Variants in PHLDB2 observed in about 807,000 individuals in gnomAD.
PHLDB2 encodes the protein pleckstrin homology like domain family B member 2.
In PHLDB2, 71 loss-of-function variants were observed where a neutral mutation model predicts 123.6. That is an observed-to-expected ratio of 0.57 (90% CI 0.47 to 0.70). The LOEUF is 0.70. Among genes scored for constraint, PHLDB2 ranks in the 30% least tolerant of loss-of-function variants. PHLDB2 has a pLI of 0.00. For missense variants in PHLDB2, 1,446 were observed against 1,519.5 expected (o/e 0.95, Z 0.80); for synonymous variants, 547 against 541.6 (o/e 1.01, Z -0.14).
chr3:111,816,619 G>A (rs1352553790), intron 1 of PHLDB2, among the ~76,000 whole-genome samples: 2 of 152,192 alleles, frequency 1.3e-5, no homozygotes, highest in East Asian at 3.8e-4. Flanking sequence ...TAATTAACTT[G>A]CTTTTGAATT....
rs147367920 is a variant in PHLDB2, at chr3:111,867,711, T to A, written c.-15+8135T>A. On this transcript the variant is annotated intron_variant, in intron 1 of 17. Transcript: ENST00000431670. Reference sequence around the variant, plus strand: ...TATGTCTTTTTTTAATTTTAATTTTTATTTTTTTGAGATAGGGTCTTGCTC... The same window carrying A: ...TATGTCTTTTTTTAATTTTAATTTTAATTTTTTTGAGATAGGGTCTTGCTC... Among the ~76,000 whole-genome samples, 880 of 152,312 alleles carry A rather than the reference T, an allele frequency of 5.8e-3. 9 individuals carry two copies. Among genetic ancestry groups the A allele is most frequent in the African/African-American group, 0.02 (826 of 41,564 alleles).
intron 1 of PHLDB2, among the ~76,000 whole-genome samples, chr3:111,806,602 C>T (rs1418698329): frequency 2.0e-5 from 3 of 151,758 alleles, no homozygotes; most frequent in Non-Finnish European, 4.4e-5. Context: ...CTCGTGCCTT[C>T]AGCCTCTCAA....
At chr3:111,869,482 A>G (rs989993095) in intron 1 of PHLDB2, among the ~76,000 whole-genome samples, 2 of 152,142 alleles carry the variant, frequency 1.3e-5, no homozygotes, top group Non-Finnish European at 2.9e-5. Context: ...AAAGGAAAAG[A>G]AAGAAAAAGA....
chr3:111,886,851 G>A (rs1165895966), intron 2 of PHLDB2, among the ~76,000 whole-genome samples: 1 of 152,148 alleles, frequency 6.6e-6, no homozygotes, highest in Non-Finnish European at 1.5e-5. Flanking sequence ...GTTTGGGCTT[G>A]CTTCATTGAC....
intron 2 of PHLDB2, among the ~76,000 whole-genome samples, chr3:111,906,579 G>T (rs1036374135): frequency 6.6e-6 from 1 of 152,196 alleles, no homozygotes; most frequent in Non-Finnish European, 1.5e-5. Context: ...GTGTGTTTGT[G>T]TATGTAAGTG....
chr3:111,945,587 T>TTGTG (rs1000701850), intron 9 of PHLDB2: 13 of 512,192 alleles, frequency 2.5e-5, no homozygotes, highest in Non-Finnish European at 2.7e-5. Context: ...ATGTGTGTGT[T>TTGTG]TGTGTGTGTG....
Position 111,966,521 on chromosome 3 carries a change from GTCT to G in PHLDB2, c.3078-91_3078-89del, listed in dbSNP as rs1362485185. 4,336 of 492,916 alleles carry G rather than the reference GTCT, an allele frequency of 8.8e-3. 138 individuals carry two copies. In the African/African-American group the frequency reaches 0.13, roughly 15 times the overall value. The allele number at this position is 492,916 out of a possible 1,614,324, so 30.5% of individuals were successfully genotyped here. ...ACCCCATGTGTGTGTGTGTGTGTGT[GTCT>G]GGGGTGTGTGTGTGTGTGTGTGTGT... is the stretch of plus-strand genomic sequence containing the variant. On this transcript the variant is annotated intron_variant, in intron 13 of 17. Transcript: ENST00000431670.
At chr3:111,875,879 A>G (rs2065589419) in intron 1 of PHLDB2, among the ~76,000 whole-genome samples, 1 of 151,954 alleles carries the variant, frequency 6.6e-6, no homozygotes, top group African/African-American at 2.4e-5. Flanking sequence ...GTGTTGCTAC[A>G]TATTCTAGTA....
intron 2 of PHLDB2, among the ~76,000 whole-genome samples, chr3:111,850,276 T>C (rs1415536062): frequency 6.6e-6 from 1 of 152,134 alleles, no homozygotes; most frequent in Non-Finnish European, 1.5e-5. Flanking sequence ...AGTGACATAA[T>C]GGACTTTAGA....
intron 1 of PHLDB2, among the ~76,000 whole-genome samples, chr3:111,775,349 G>A (rs1009739829): frequency 1.3e-5 from 2 of 152,174 alleles, no homozygotes; most frequent in African/African-American, 4.8e-5. Context: ...CGATTAAACA[G>A]ATGAGTAGTC....
At chr3:111,820,006 G>A (rs1194854232) in intron 1 of PHLDB2, among the ~76,000 whole-genome samples, 1 of 152,234 alleles carries the variant, frequency 6.6e-6, no homozygotes, top group Non-Finnish European at 1.5e-5. Context: ...CACATAGGAA[G>A]TCTAACCAAA....
At chr3:111,806,985 A>G (rs1350188251) in intron 1 of PHLDB2, among the ~76,000 whole-genome samples, 1 of 151,680 alleles carries the variant, frequency 6.6e-6, no homozygotes, top group Non-Finnish European at 1.5e-5. Context: ...GACTTGTAAG[A>G]GACATTAGTT....
intron 3 of PHLDB2, chr3:111,917,004 C>T (rs1344134968): frequency 6.6e-6 from 1 of 152,164 alleles, no homozygotes; most frequent in Non-Finnish European, 1.5e-5. Flanking sequence ...TGTTCTCTGT[C>T]ACTGTAAAAC....
intron 1 of PHLDB2, among the ~76,000 whole-genome samples, chr3:111,769,661 TA>T (rs2060141059): frequency 6.6e-6 from 1 of 152,250 alleles, no homozygotes; most frequent in African/African-American, 2.4e-5. Context: ...TTTCCAGGTC[TA>T]AAAGTGCACT....
At chr3:111,962,409 C>A in intron 13 of PHLDB2, 97 bp downstream of exon 13, 2 of 1,131,236 alleles carry the variant, frequency 1.8e-6, no homozygotes, top group East Asian at 5.0e-5. Flanking sequence ...ATGCACAAGC[C>A]CAAATTTTTG....
At chr3:111,859,953 G>T (rs1343024750) in intron 1 of PHLDB2, 6 of 974,908 alleles carry the variant, frequency 6.2e-6, no homozygotes, top group Non-Finnish European at 7.3e-6. Context: ...GGCTGGGGTC[G>T]GCAGTGCCCA....
Position 111,967,784 on chromosome 3 carries a change from TA to T in PHLDB2, c.3276del (p.Ile1092MetfsTer5). On this transcript the variant is annotated frameshift_variant, in exon 15 of 18. Transcript: ENST00000431670. LOFTEE classifies it high-confidence loss of function. ...QEETSQRQKL[I>X]EKEVKIRERQ... Reference sequence around the variant, plus strand: ...GAAACTAGCCAGAGGCAGAAGTTAATAGAAAAGGAAGTAAAAATAAGGGAGA... The same window carrying T: ...GAAACTAGCCAGAGGCAGAAGTTAATGAAAAGGAAGTAAAAATAAGGGAGA... 6.2e-7 allele frequency: 1 copy of T among 1,611,718 alleles called. No individual in the cohort carries two copies. Among genetic ancestry groups the T allele is most frequent in the Non-Finnish European group, 8.5e-7 (1 of 1,179,270 alleles).
chr3:111,926,720 A>G (rs1342982558), intron 5 of PHLDB2, among the ~76,000 whole-genome samples: 1 of 152,214 alleles, frequency 6.6e-6, no homozygotes, highest in Non-Finnish European at 1.5e-5. Flanking sequence ...TGGTTACTCA[A>G]CAATCATTAT....
intron 1 of PHLDB2, among the ~76,000 whole-genome samples, chr3:111,825,309 G>C (rs1046950340): frequency 6.6e-6 from 1 of 152,192 alleles, no homozygotes; most frequent in Admixed American, 6.5e-5. Context: ...CTATCAAAAA[G>C]AGAGGTCCTT....
Sources: allele counts gnomAD v4.1 joint callset (sites outside exome capture counted in the v4.1 genomes callset), GRCh38; gene constraint gnomAD v4.1.1; transcripts MANE v1.5; gene names NCBI Gene and HGNC (gene_info 2026-07-23, HGNC 2026-07-21).